The following NTM variants were observed in gnomAD, a reference collection of about 807,000 sequenced individuals.
The protein encoded by NTM is neurotrimin.
NTM carries 13 observed loss-of-function variants against 42.1 expected under a neutral mutation model. That is an observed-to-expected ratio of 0.31 (90% CI 0.20 to 0.49). NTM has a LOEUF of 0.49. Ranked by LOEUF, NTM falls within the 20% of genes least tolerant of loss-of-function variation. The pLI is 0.99. For missense variants in NTM, 373 were observed against 452.8 expected (o/e 0.82, Z 1.60); for synonymous variants, 187 against 179.2 (o/e 1.04, Z -0.35).
intron 1 of NTM, among the ~76,000 whole-genome samples, chr11:131,422,571 G>A (rs1384214847): frequency 6.6e-6 from 1 of 152,190 alleles, no homozygotes; most frequent in Non-Finnish European, 1.5e-5. Flanking sequence ...AAATTAACAA[G>A]CATCTTTCAA....
intron 1 of NTM, among the ~76,000 whole-genome samples, chr11:131,789,530 G>GAA: frequency 8.5e-5 from 2 of 23,480 alleles, no homozygotes; most frequent in Non-Finnish European, 1.4e-4. Context: ...AGAAGAAGAA[G>GAA]AAGAAGAAGA....
intron 1 of NTM, among the ~76,000 whole-genome samples, chr11:131,471,404 T>C (rs1952428279): frequency 6.6e-6 from 1 of 152,232 alleles, no homozygotes; most frequent in Non-Finnish European, 1.5e-5. Context: ...CCACTTGGGA[T>C]CTATCACGTA....
chr11:131,381,665 C>T (rs530559849), intron 1 of NTM, among the ~76,000 whole-genome samples: 2 of 152,182 alleles, frequency 1.3e-5, no homozygotes, highest in African/African-American at 4.8e-5. Flanking sequence ...TTTCACTTGC[C>T]CTGTCTCCTC....
chr11:131,922,741 G>A (rs914788448), intron 2 of NTM, among the ~76,000 whole-genome samples: 1 of 152,134 alleles, frequency 6.6e-6, no homozygotes. Context: ...CTGCCTGGCA[G>A]CCCCAGCTAC....
intron 2 of NTM, among the ~76,000 whole-genome samples, chr11:131,920,923 G>A (rs2057128911): frequency 6.6e-6 from 1 of 152,138 alleles, no homozygotes. Context: ...GGCCTCTAAT[G>A]TGCTGGATGA....
At chr11:131,599,042 G>A (rs1219752957) in intron 1 of NTM, among the ~76,000 whole-genome samples, 1 of 151,870 alleles carries the variant, frequency 6.6e-6, no homozygotes. Flanking sequence ...GCCTCCCCTA[G>A]TAGCTGGGAT....
intron 2 of NTM, among the ~76,000 whole-genome samples, chr11:132,030,118 C>T (rs2075726732): frequency 6.6e-6 from 1 of 152,112 alleles, no homozygotes; most frequent in Non-Finnish European, 1.5e-5. Context: ...CACAGAGTGA[C>T]TCTGTTGTAA....
At chr11:132,004,744 G>A (rs1260081289) in intron 2 of NTM, among the ~76,000 whole-genome samples, 1 of 151,882 alleles carries the variant, frequency 6.6e-6, no homozygotes, top group Non-Finnish European at 1.5e-5. Flanking sequence ...ATCATTCAGA[G>A]CTTCTGATGT....
intron 1 of NTM, among the ~76,000 whole-genome samples, chr11:131,586,061 T>G (rs2058829279): frequency 6.6e-6 from 1 of 151,302 alleles, no homozygotes; most frequent in African/African-American, 2.5e-5. Flanking sequence ...ATAGGTAATC[T>G]CGTGTGTGTG....
At position 131,687,983 on chromosome 11, in the gene NTM, G is replaced by A; in HGVS notation, c.83-223581G>A. ...ACGCAGGCCTCTGGAGTCGTTGATG[G>A]AATAGCCCTCCTCTGAATGGAAATA... On this transcript the variant is annotated intron_variant, in intron 1 of 8. Transcript: ENST00000683400. Among the ~76,000 whole-genome samples, 2 of 152,248 alleles carry A rather than the reference G, an allele frequency of 1.3e-5. 1 individual carries two copies. Among genetic ancestry groups the A allele is most frequent in the Admixed American group, 1.3e-4 (2 of 15,286 alleles).
rs374186768 is a variant in NTM, at chr11:131,695,893, A to G, written c.83-215671A>G. 1.1e-4 allele frequency among the ~76,000 whole-genome samples: 17 copies of G among 152,080 alleles called. No homozygotes were observed. The South Asian group carries it at 3.1e-3, about 28-fold the overall frequency. On this transcript the variant is annotated intron_variant, in intron 1 of 8. Coordinates refer to ENST00000683400, the MANE Select transcript of NTM (RefSeq NM_001352005.2). ...ATATATCAGAGGTCTATGTCCCTTCACTCCTGCGCTCTGGACTCTGATCCT... is the reference window on the plus strand; with the variant it reads ...ATATATCAGAGGTCTATGTCCCTTCGCTCCTGCGCTCTGGACTCTGATCCT...
At chr11:131,726,212 A>G (rs1025921428) in intron 1 of NTM, among the ~76,000 whole-genome samples, 2 of 152,156 alleles carry the variant, frequency 1.3e-5, no homozygotes, top group Non-Finnish European at 2.9e-5. Context: ...ATCTATTTAC[A>G]CAGTTATCTG....
chr11:131,651,459 G>A (rs2066465900), intron 1 of NTM, among the ~76,000 whole-genome samples: 1 of 152,326 alleles, frequency 6.6e-6, no homozygotes, highest in Middle Eastern at 3.4e-3. Context: ...GTGGAATAAA[G>A]CTCATTCACC....
At chr11:132,326,463 T>G (rs541885552) in intron 7 of NTM, among the ~76,000 whole-genome samples, 1 of 152,172 alleles carries the variant, frequency 6.6e-6, no homozygotes, top group Admixed American at 6.5e-5. Context: ...ACAGGTTACT[T>G]TACCTGGTCA....
chr11:131,796,615 A>G (rs945552199), intron 1 of NTM, among the ~76,000 whole-genome samples: 2 of 152,176 alleles, frequency 1.3e-5, no homozygotes, highest in African/African-American at 4.8e-5. Context: ...TGGAGTGTGT[A>G]GAGTCCCAGC....
At chr11:132,265,804 G>A (rs1347576435) in intron 4 of NTM, among the ~76,000 whole-genome samples, 1 of 152,140 alleles carries the variant, frequency 6.6e-6, no homozygotes, top group Non-Finnish European at 1.5e-5. Flanking sequence ...AATGAAGTAT[G>A]TGCTATTCTT....
At chr11:131,505,693 C>A (rs758228131) in intron 1 of NTM, among the ~76,000 whole-genome samples, 1 of 152,162 alleles carries the variant, frequency 6.6e-6, no homozygotes, top group Non-Finnish European at 1.5e-5. Context: ...CGCACATGCT[C>A]ACACCCACGG....
chr11:132,249,194 A>G (rs998928938), intron 4 of NTM, among the ~76,000 whole-genome samples: 1 of 152,238 alleles, frequency 6.6e-6, no homozygotes, highest in Non-Finnish European at 1.5e-5. Context: ...AATGAGCTTC[A>G]TGAAGAATAT....
Position 131,518,772 on chromosome 11 carries a change from A to T in NTM, c.82+147884A>T, listed in dbSNP as rs140436374. The stretch of plus-strand genomic sequence containing the variant: ...TGTGTTGCAAGAAGCTAATGTGTAT[A>T]AGCACCAGGCTTCATTTGTATGGAT... On this transcript the variant is annotated intron_variant, in intron 1 of 8. Transcript: ENST00000683400. Among the ~76,000 whole-genome samples the T allele has an allele frequency of 7.5e-3, 1,148 of 152,292 alleles. 9 individuals are homozygous for T. The highest frequency in any genetic ancestry group is 0.013 in the Non-Finnish European group (856 of 68,016).
Sources: gnomAD v4.1 joint callset for allele counts (sites outside exome capture counted in the v4.1 genomes callset) on GRCh38, gnomAD v4.1.1 for gene constraint, MANE v1.5 for transcripts, NCBI Gene and HGNC (gene_info 2026-07-23, HGNC 2026-07-21) for gene names.